BBX: variants seen among roughly 807,000 people sequenced by gnomAD.
BBX encodes HMG box transcription factor BBX.
A neutral mutation model predicts 100.2 loss-of-function variants in BBX; 30 were observed. The observed-to-expected ratio is 0.30, with a 90% CI of 0.22 to 0.41. The LOEUF is 0.41. Ranked by LOEUF, BBX falls within the 10% of genes least tolerant of loss-of-function variation. BBX has a pLI of 1.00. For synonymous variants in BBX, 376 were observed against 388.1 expected (o/e 0.97, Z 0.37); for missense variants, 1,023 against 1,129.8 (o/e 0.91, Z 1.35).
chr3:107,723,706 C>T (rs572249434), intron 5 of BBX, among the ~76,000 whole-genome samples: 43 of 152,144 alleles, frequency 2.8e-4, no homozygotes, highest in African/African-American at 9.6e-4. Flanking sequence ...TGATGGTTTC[C>T]AGCTTCATCC....
In BBX at chr3:107,710,528, G is replaced by C; in HGVS notation, c.68G>C (p.Arg23Pro). 6.2e-7 allele frequency: 1 copy of C among 1,613,784 alleles called. No homozygotes were observed. The highest frequency in any genetic ancestry group is 8.5e-7 in the Non-Finnish European group (1 of 1,179,834). ...GAAGGGGTTGGAAAACGACCAAAACGAAAGTGTCTTCAGTGGCATCCATTG... is the reference window on the plus strand; with the variant it reads ...GAAGGGGTTGGAAAACGACCAAAACCAAAGTGTCTTCAGTGGCATCCATTG... ...EGEGVGKRPK[R>P]KCLQWHPLLA... The change falls in exon 4 of 18, where the codon CGA becomes CCA. Residue 23 changes from arginine (R) to proline (P), a missense_variant. Coordinates refer to ENST00000325805, the MANE Select transcript of BBX (RefSeq NM_001142568.3).
chr3:107,704,616 G>A (rs2061282409), intron 3 of BBX, among the ~76,000 whole-genome samples: 1 of 152,140 alleles, frequency 6.6e-6, no homozygotes, highest in Admixed American at 6.5e-5. Context: ...GGCTAAACTT[G>A]CTTTAATAAC....
At chr3:107,743,934 T>G (rs2064343816) in intron 7 of BBX, among the ~76,000 whole-genome samples, 1 of 148,904 alleles carries the variant, frequency 6.7e-6, no homozygotes, top group Non-Finnish European at 1.5e-5. Context: ...TTTTTTTTTT[T>G]TTTTTTTTTC....
At chr3:107,741,740 C>A (rs1282602327) in intron 7 of BBX, among the ~76,000 whole-genome samples, 1 of 152,116 alleles carries the variant, frequency 6.6e-6, no homozygotes, top group African/African-American at 2.4e-5. Context: ...ACTTTAAATG[C>A]AGACATCACA....
intron 2 of BBX, among the ~76,000 whole-genome samples, chr3:107,581,601 G>C (rs1193655354): frequency 6.6e-6 from 1 of 151,864 alleles, no homozygotes; most frequent in Non-Finnish European, 1.5e-5. Context: ...TAGTGGTTTG[G>C]TAACTGGTCT....
intron 5 of BBX, among the ~76,000 whole-genome samples, chr3:107,719,359 T>G (rs938768786): frequency 2.0e-5 from 3 of 152,018 alleles, no homozygotes; most frequent in African/African-American, 7.2e-5. Context: ...GTGAGAAATG[T>G]TTCCTTTTTC....
At chr3:107,763,226 CTTT>C (rs10708684) in intron 10 of BBX, among the ~76,000 whole-genome samples, 16 of 137,598 alleles carry the variant, frequency 1.2e-4, no homozygotes, top group South Asian at 2.4e-4. Context: ...GTGGTATTAC[CTTT>C]TTTTTTTTTT....
intron 2 of BBX, among the ~76,000 whole-genome samples, chr3:107,537,017 G>A (rs967508985): frequency 6.6e-6 from 1 of 152,166 alleles, no homozygotes; most frequent in Non-Finnish European, 1.5e-5. Flanking sequence ...TGCCCGTTAA[G>A]TCTGTAGAAC....
At chr3:107,701,949 T>C (rs1187861570) in intron 3 of BBX, among the ~76,000 whole-genome samples, 2 of 152,224 alleles carry the variant, frequency 1.3e-5, no homozygotes, top group African/African-American at 4.8e-5. Context: ...CATTTATCCC[T>C]GCTCACCATC....
chr3:107,668,084 G>A (rs957399917), intron 3 of BBX, among the ~76,000 whole-genome samples: 1 of 152,182 alleles, frequency 6.6e-6, no homozygotes, highest in Non-Finnish European at 1.5e-5. Flanking sequence ...GGAACAGAAA[G>A]TAGAGCAGCT....
intron 10 of BBX, among the ~76,000 whole-genome samples, chr3:107,766,823 T>G (rs1053582196): frequency 6.6e-6 from 1 of 152,056 alleles, no homozygotes; most frequent in Non-Finnish European, 1.5e-5. Context: ...CCATCAAAGA[T>G]AGACTGGATA....
intron 2 of BBX, among the ~76,000 whole-genome samples, chr3:107,631,031 A>C (rs974137287): frequency 6.6e-6 from 1 of 152,196 alleles, no homozygotes; most frequent in Non-Finnish European, 1.5e-5. Context: ...GATGACTCAC[A>C]GATCTTCCTG....
At chr3:107,778,222 GA>G (rs2067485218) in intron 12 of BBX, 148 bp from the exon 13 acceptor site, 1 of 875,802 alleles carries the variant, frequency 1.1e-6, no homozygotes, top group Non-Finnish European at 1.7e-6. Context: ...AAGCATTTCA[GA>G]AAAGGTGTTT....
intron 2 of BBX, among the ~76,000 whole-genome samples, chr3:107,616,339 G>A (rs1401779277): frequency 6.6e-6 from 1 of 151,946 alleles, no homozygotes; most frequent in Non-Finnish European, 1.5e-5. Flanking sequence ...AAGCATTTTG[G>A]ACATTTTGGA....
intron 2 of BBX, among the ~76,000 whole-genome samples, chr3:107,582,760 T>C (rs999542830): frequency 6.6e-6 from 1 of 152,138 alleles, no homozygotes; most frequent in Admixed American, 6.5e-5. Flanking sequence ...TTTAAAATTT[T>C]TTAATGTAAC....
intron 4 of BBX, 98 bp from the exon 5 acceptor site, chr3:107,716,509 A>T: frequency 7.1e-7 from 1 of 1,413,834 alleles, no homozygotes; most frequent in Non-Finnish European, 9.7e-7. Context: ...GTTTAAATGG[A>T]GCTAAGAAAA....
At chr3:107,630,898 G>C (rs1248163622) in intron 2 of BBX, among the ~76,000 whole-genome samples, 1 of 152,136 alleles carries the variant, frequency 6.6e-6, no homozygotes, top group African/African-American at 2.4e-5. Flanking sequence ...AAAAGGAACT[G>C]TCAAAAGCCA....
intron 3 of BBX, among the ~76,000 whole-genome samples, chr3:107,647,290 A>G (rs2057575120): frequency 6.6e-6 from 1 of 152,220 alleles, no homozygotes; most frequent in African/African-American, 2.4e-5. Flanking sequence ...CAGTATTCTG[A>G]ATTTGCTAAA....
intron 2 of BBX, among the ~76,000 whole-genome samples, chr3:107,558,503 CAG>C (rs372820381): frequency 2.0e-3 from 302 of 151,888 alleles, no homozygotes; most frequent in East Asian, 0.01. Context: ...CAACAAAAAA[CAG>C]GGGGCTATCT....
Sources: allele counts gnomAD v4.1 joint callset (sites outside exome capture counted in the v4.1 genomes callset), GRCh38; gene constraint gnomAD v4.1.1; transcripts MANE v1.5; gene names NCBI Gene and HGNC (gene_info 2026-07-23, HGNC 2026-07-21).